MAOB: variants seen among roughly 807,000 people sequenced by gnomAD.
MAOB encodes monoamine oxidase B.
A neutral mutation model predicts 41.9 loss-of-function variants in MAOB; 15 were observed. The observed-to-expected ratio is 0.36, with a 90% confidence interval of 0.24 to 0.55. MAOB has a LOEUF of 0.55. MAOB is among the 20% of genes least tolerant of loss of function. The pLI, the probability that MAOB is intolerant of heterozygous loss-of-function variation, is 0.86. For synonymous variants in MAOB, 167 were observed against 144.2 expected (o/e 1.16, Z -1.13); for missense variants, 345 against 398.7 (o/e 0.87, Z 1.15).
At chrX:43,792,695 G>A (rs2034478314) in intron 8 of MAOB, among the ~76,000 whole-genome samples, 1 of 111,946 alleles carries the variant, frequency 8.9e-6, no homozygotes, top group African/African-American at 3.2e-5. Context: ...AATAAGAGAT[G>A]TTGGAGAAAA....
chrX:43,838,758 T>C, intron 3 of MAOB, 110 bp downstream of exon 3: 1 of 767,790 alleles, frequency 1.3e-6, no homozygotes, highest in Non-Finnish European at 1.8e-6. Flanking sequence ...ATAAAATACA[T>C]TTGCATCATC....
chrX:43,880,055 T>C (rs773856312), intron 1 of MAOB, among the ~76,000 whole-genome samples: 9 of 112,243 alleles, frequency 8.0e-5, no homozygotes, highest in Non-Finnish European at 1.5e-4. Flanking sequence ...TAGAATTTTT[T>C]ATATGCACTA....
intron 12 of MAOB, among the ~76,000 whole-genome samples, chrX:43,769,967 G>T (rs1374359029): frequency 9.0e-6 from 1 of 111,502 alleles, no homozygotes; most frequent in African/African-American, 3.3e-5. Context: ...GTACTGGTGA[G>T]GTCGGTACTA....
Position 43,882,435 on chromosome X carries a change from G to A in MAOB, c.-136C>T. On this transcript the variant is annotated 5_prime_UTR_variant, in exon 1 of 15. Coordinates refer to ENST00000378069, the MANE Select transcript of MAOB (RefSeq NM_000898.5). ...CGCTGCCCCCGTGCACCAGCGCCTC[G>A]GCGAGCCGCTATATTACCAGCCCCG... 9.8e-7 allele frequency: 1 copy of A among 1,020,432 alleles called. No homozygotes were observed. The highest frequency in any genetic ancestry group is 1.2e-6 in the Non-Finnish European group (1 of 803,140). The allele number at this position is 1,020,432 out of a possible 1,213,427, so 84.1% of individuals were successfully genotyped here.
intron 3 of MAOB, among the ~76,000 whole-genome samples, chrX:43,822,453 G>A (rs2034893530): frequency 8.9e-6 from 1 of 111,819 alleles, no homozygotes; most frequent in African/African-American, 3.3e-5. Flanking sequence ...GGAAGATTCT[G>A]ATTAGAAGAA....
chrX:43,785,146 T>TCAAAA (rs903245052), intron 8 of MAOB, among the ~76,000 whole-genome samples: 3 of 112,971 alleles, frequency 2.7e-5, no homozygotes, highest in Non-Finnish European at 5.6e-5. Context: ...AGACTCCATC[T>TCAAAA]CAAAACAAAA....
intron 1 of MAOB, among the ~76,000 whole-genome samples, chrX:43,862,112 A>T (rs190530807): frequency 1.8e-5 from 2 of 112,069 alleles, no homozygotes; most frequent in East Asian, 5.6e-4. Flanking sequence ...TCAAAATGGC[A>T]ATGTCACCCC....
At chrX:43,803,555 C>T in intron 3 of MAOB, 151 bp from the exon 4 acceptor site, 1 of 796,508 alleles carries the variant, frequency 1.3e-6, no homozygotes. Context: ...GTCCTCAGAA[C>T]CCCACTTAAC....
intron 10 of MAOB, among the ~76,000 whole-genome samples, chrX:43,780,000 C>A (rs749691377): frequency 9.0e-6 from 1 of 111,659 alleles, no homozygotes; most frequent in South Asian, 3.8e-4. Context: ...ATCTCCTTCA[C>A]AAGCAAATTT....
chrX:43,874,920 T>C (rs1464186375), intron 1 of MAOB, among the ~76,000 whole-genome samples: 6 of 112,143 alleles, frequency 5.4e-5, no homozygotes, highest in African/African-American at 1.3e-4. Flanking sequence ...TGCATGTATG[T>C]GCTAGTCTTG....
chrX:43,873,482 G>T lies in MAOB; in HGVS notation c.46+8772C>A, dbSNP rs28531879. On this transcript the variant is annotated intron_variant, in intron 1 of 14. Transcript: ENST00000378069. ...ATTAAAAATGGCCTAGCTAAGAGAT[G>T]CATAACATAAGATCAAGAGCTCAAA... Among the ~76,000 whole-genome samples the T allele has an allele frequency of 5.4e-3, 591 of 110,240 alleles. 3 individuals carry two copies. The highest frequency in any genetic ancestry group is 0.019 in the African/African-American group (561 of 30,312).
intron 3 of MAOB, among the ~76,000 whole-genome samples, chrX:43,808,714 AC>A (rs2034703837): frequency 1.8e-5 from 2 of 109,082 alleles, no homozygotes; most frequent in Non-Finnish European, 3.8e-5. Flanking sequence ...ACACACACAC[AC>A]ACACACACAC....
In MAOB at chrX:43,780,414, A is replaced by G; in HGVS notation, c.1026-19T>C. 8.7e-7 allele frequency: 1 copy of G among 1,146,467 alleles called. No homozygotes were observed. The highest frequency in any genetic ancestry group is 1.2e-6 in the Non-Finnish European group (1 of 838,515). The allele number at this position is 1,146,467 out of a possible 1,213,427, so 94.5% of individuals were successfully genotyped here. The stretch of plus-strand genomic sequence containing the variant: ...GATAAATCTAAAGAATATAAACAAG[A>G]AAAAGGGGAGAAATTAATGGTTGGT... On this transcript the variant is annotated intron_variant, in intron 9 of 14. Coordinates refer to ENST00000378069, the MANE Select transcript of MAOB (RefSeq NM_000898.5).
intron 12 of MAOB, 103 bp downstream of exon 12, chrX:43,775,072 T>G: frequency 1.1e-6 from 1 of 889,895 alleles, no homozygotes; most frequent in African/African-American, 2.2e-5. Context: ...TTTTTTTTTT[T>G]TGTATTTATA....
intron 2 of MAOB, among the ~76,000 whole-genome samples, chrX:43,842,209 G>C (rs921242385): frequency 7.1e-5 from 8 of 112,179 alleles, no homozygotes; most frequent in Non-Finnish European, 1.3e-4. Context: ...CAACTCAATA[G>C]CAAGAGACAA....
chrX:43,854,761 A>G (rs2035277515), intron 1 of MAOB, among the ~76,000 whole-genome samples: 5 of 111,811 alleles, frequency 4.5e-5, no homozygotes. Flanking sequence ...CAGAGCAGTA[A>G]ATAATAATGA....
At position 43,810,114 on chromosome X, in the gene MAOB, G is replaced by A. The variant is rs1392050078; in HGVS notation, c.280-6710C>T. 3.0e-5 allele frequency among the ~76,000 whole-genome samples: 3 copies of A among 100,976 alleles called. No individual in the cohort carries two copies. In the Admixed American group the frequency reaches 3.1e-4, roughly 11 times the overall value. 87.7% of individuals were successfully genotyped at this position (100,976 alleles called of 115,157 possible). ...AAAAATTAGCCGGGCGTGGTGGCGG[G>A]CGCCTGTAGTCCCAGCTACTCGGGA... On this transcript the variant is annotated intron_variant, in intron 3 of 14. Coordinates refer to ENST00000378069, the MANE Select transcript of MAOB (RefSeq NM_000898.5).
intron 8 of MAOB, among the ~76,000 whole-genome samples, chrX:43,786,987 C>A (rs1449974066): frequency 9.0e-6 from 1 of 111,013 alleles, no homozygotes; most frequent in East Asian, 2.8e-4. Context: ...TAGGGCTTTA[C>A]TCTTAGAAAA....
intron 1 of MAOB, among the ~76,000 whole-genome samples, chrX:43,878,754 C>T: frequency 9.0e-6 from 1 of 110,629 alleles, no homozygotes; most frequent in Non-Finnish European, 1.9e-5. Flanking sequence ...ACTCATAACC[C>T]CTTGTGAGCC....
Sources: gnomAD v4.1 joint callset for allele counts (sites outside exome capture counted in the v4.1 genomes callset) on GRCh38, gnomAD v4.1.1 for gene constraint, MANE v1.5 for transcripts, NCBI Gene and HGNC (gene_info 2026-07-23, HGNC 2026-07-21) for gene names.